Variants in CBLN2 observed in about 807,000 individuals in gnomAD.
CBLN2 encodes the protein cerebellin-2.
A neutral mutation model predicts 15.0 loss-of-function variants in CBLN2; 7 were observed. That is an observed-to-expected ratio of 0.47 (90% CI 0.27 to 0.88). The LOEUF is 0.88. CBLN2 is among the 40% of genes least tolerant of loss of function. CBLN2 has a pLI of 0.14. For missense variants in CBLN2, 242 were observed against 304.5 expected (o/e 0.79, Z 1.53); for synonymous variants, 149 against 135.2 (o/e 1.10, Z -0.71).
chr18:72,601,865 TG>T (rs2069550708), intron 1 of CBLN2, among the ~76,000 whole-genome samples: 1 of 152,240 alleles, frequency 6.6e-6, no homozygotes, highest in African/African-American at 2.4e-5. Context: ...GAGCTGCTTC[TG>T]TTCCATTCCT....
intron 3 of CBLN2, chr18:72,540,013 T>G (rs748222548): frequency 6.6e-6 from 1 of 152,214 alleles, no homozygotes. Flanking sequence ...AATATGCCTG[T>G]TTCAGCTTCT....
chr18:72,553,877 G>A (rs1468440143), intron 1 of CBLN2, among the ~76,000 whole-genome samples: 7 of 152,208 alleles, frequency 4.6e-5, no homozygotes, highest in Admixed American at 6.5e-5. Context: ...TGAACTTGGA[G>A]AAATTCGAAA....
At chr18:72,623,050 C>T (rs2069711851) in intron 1 of CBLN2, among the ~76,000 whole-genome samples, 1 of 152,102 alleles carries the variant, frequency 6.6e-6, no homozygotes, top group Non-Finnish European at 1.5e-5. Context: ...AACTTACAGT[C>T]ATGATCAGAG....
intron 1 of CBLN2, among the ~76,000 whole-genome samples, chr18:72,606,465 G>A (rs1000077594): frequency 6.6e-6 from 1 of 152,156 alleles, no homozygotes; most frequent in Admixed American, 6.5e-5. Flanking sequence ...ACATATTTGG[G>A]CATGTCTGTG....
intron 1 of CBLN2, among the ~76,000 whole-genome samples, chr18:72,623,997 A>C (rs1461417405): frequency 6.6e-6 from 1 of 152,182 alleles, no homozygotes; most frequent in Non-Finnish European, 1.5e-5. Flanking sequence ...AGGTTTCTGC[A>C]AACCAGTTGA....
chr18:72,634,165 T>A (rs1280179345), intron 1 of CBLN2, among the ~76,000 whole-genome samples: 2 of 152,060 alleles, frequency 1.3e-5, no homozygotes, highest in Admixed American at 6.6e-5. Context: ...AATGTATCCC[T>A]TTGTGATTTT....
chr18:72,600,737 T>G lies in CBLN2; in HGVS notation c.15+37588A>C, dbSNP rs550245758. 4.6e-5 allele frequency among the ~76,000 whole-genome samples: 7 copies of G among 152,256 alleles called. No homozygotes were observed. In the South Asian group the frequency reaches 1.5e-3, roughly 32 times the overall value. ...ATAGGAGAAGGGGTTATTACTCAAA[T>G]CAGTCTCCCCAAAGGCTTGGAGGTT... On this transcript the variant is annotated intron_variant, in intron 1 of 2. Coordinates refer to the CBLN2 transcript ENST00000581073.
intron 1 of CBLN2, among the ~76,000 whole-genome samples, chr18:72,598,955 A>AG (rs1212448745): frequency 1.3e-5 from 2 of 152,174 alleles, no homozygotes; most frequent in Non-Finnish European, 2.9e-5. Context: ...AGGCAATTCA[A>AG]GGCTGCCTTT....
In CBLN2 at chr18:72,543,863, C is replaced by G. The variant is rs1313981859; in HGVS notation, c.-212+114G>C. 6.4e-6 allele frequency: 1 copy of G among 155,124 alleles called. No homozygotes were observed. Among genetic ancestry groups the G allele is most frequent in the African/African-American group, 2.4e-5 (1 of 41,588 alleles). The allele number at this position is 155,124 out of a possible 1,614,324, so 9.6% of individuals were successfully genotyped here. ...GGCTCCCTCGCGGGTCCCCTCGGCCCCGCAGCCCCGCCAGTCTCCAGAGGG... is the reference window on the plus strand; with the variant it reads ...GGCTCCCTCGCGGGTCCCCTCGGCCGCGCAGCCCCGCCAGTCTCCAGAGGG... On this transcript the variant is annotated intron_variant, in intron 1 of 4. Coordinates refer to ENST00000269503, the MANE Select transcript of CBLN2 (RefSeq NM_182511.4). The surrounding 1 kb of genome is among the most constrained non-coding windows in gnomAD (Gnocchi z 6.8).
At chr18:72,591,565 C>T (rs1284926592) in intron 1 of CBLN2, among the ~76,000 whole-genome samples, 6 of 151,982 alleles carry the variant, frequency 3.9e-5, no homozygotes, top group African/African-American at 1.4e-4. Flanking sequence ...TTGTAGTCAC[C>T]CCATTGTGCT....
intron 1 of CBLN2, chr18:72,619,068 TC>T (rs1276391281): frequency 1.3e-6 from 1 of 750,714 alleles, no homozygotes; most frequent in African/African-American, 1.7e-5. Flanking sequence ...ATTGCAACAG[TC>T]TTCAAATTTT....
At chr18:72,612,693 C>T (rs2144956058) in intron 1 of CBLN2, among the ~76,000 whole-genome samples, 1 of 152,332 alleles carries the variant, frequency 6.6e-6, no homozygotes. Flanking sequence ...GGAGATTTGT[C>T]TGATCTGAAA....
At chr18:72,629,995 C>T (rs1247343166) in intron 1 of CBLN2, among the ~76,000 whole-genome samples, 1 of 152,074 alleles carries the variant, frequency 6.6e-6, no homozygotes, top group Non-Finnish European at 1.5e-5. Context: ...AAATTAGCAG[C>T]TAAATTGTTA....
chr18:72,600,309 T>A (rs1001240282), intron 1 of CBLN2, among the ~76,000 whole-genome samples: 4 of 152,114 alleles, frequency 2.6e-5, no homozygotes, highest in African/African-American at 9.7e-5. Flanking sequence ...GGGAAAGGAA[T>A]TTGAGATGGA....
At chr18:72,577,235 C>T (rs950252558) in intron 1 of CBLN2, among the ~76,000 whole-genome samples, 3 of 151,292 alleles carry the variant, frequency 2.0e-5, no homozygotes, top group Non-Finnish European at 4.4e-5. Flanking sequence ...CAATGGTTAT[C>T]TGTAGGGCAT....
At chr18:72,619,252 A>T in intron 1 of CBLN2, 1 of 901,526 alleles carries the variant, frequency 1.1e-6, no homozygotes, top group Non-Finnish European at 1.7e-6. Flanking sequence ...GCTTAGCAGG[A>T]GAGGAGAGCC....
chr18:72,577,234 T>A (rs1198312244), intron 1 of CBLN2, among the ~76,000 whole-genome samples: 1 of 151,562 alleles, frequency 6.6e-6, no homozygotes, highest in Non-Finnish European at 1.5e-5. Flanking sequence ...ACAATGGTTA[T>A]CTGTAGGGCA....
chr18:72,593,952 C>A (rs533375220), intron 1 of CBLN2, among the ~76,000 whole-genome samples: 3 of 152,066 alleles, frequency 2.0e-5, no homozygotes, highest in Non-Finnish European at 4.4e-5. Context: ...ATTATGCAGC[C>A]ATAAAAAAGG....
upstream of CBLN2, among the ~76,000 whole-genome samples, chr18:72,546,675 G>C (rs1200573762): frequency 6.6e-6 from 1 of 152,110 alleles, no homozygotes; most frequent in Non-Finnish European, 1.5e-5. Flanking sequence ...AACACCTGTG[G>C]TGTGTGAGAT....
Sources: gnomAD v4.1 joint callset for allele counts (sites outside exome capture counted in the v4.1 genomes callset) on GRCh38, gnomAD v4.1.1 for gene constraint, Gnocchi (gnomAD v3.1) non-coding constraint, MANE v1.5 for transcripts, NCBI Gene and HGNC (gene_info 2026-07-23, HGNC 2026-07-21) for gene names.